EXOC3L4: variants seen among roughly 807,000 people sequenced by gnomAD.
EXOC3L4 encodes exocyst complex component 3 like 4.
Under a neutral mutation model 69.7 loss-of-function variants are expected in EXOC3L4, and 62 were observed. That is an observed-to-expected ratio of 0.89 (90% CI 0.72 to 1.10). The LOEUF (loss-of-function observed/expected upper bound fraction) is 1.10. EXOC3L4 is among the 50% of genes least tolerant of loss of function. The pLI is 0.00. For missense variants in EXOC3L4, 1,087 were observed against 1,034.8 expected (o/e 1.05, Z -0.69); for synonymous variants, 502 against 464.2 (o/e 1.08, Z -1.05).
intron 1 of EXOC3L4, among the ~76,000 whole-genome samples, chr14:103,099,266 A>G (rs1890041552): frequency 6.6e-6 from 1 of 152,148 alleles, no homozygotes; most frequent in Non-Finnish European, 1.5e-5. Flanking sequence ...CTCCCAACCT[A>G]AAGCCAGGAA....
intron 1 of EXOC3L4, among the ~76,000 whole-genome samples, chr14:103,096,786 C>T (rs1374779043): frequency 2.6e-5 from 4 of 152,290 alleles, no homozygotes; most frequent in South Asian, 2.1e-4. Context: ...GGTTGGCCAA[C>T]GACCGTCTAA....
At position 103,104,811 on chromosome 14, in the gene EXOC3L4, C is replaced by T. The variant is rs1187019136; in HGVS notation, c.1358C>T (p.Thr453Met). The stretch of plus-strand genomic sequence containing the variant: ...GAGGCCACCACCCTGCGAATCTGCA[C>T]GCGGGCGCTCGGCCTCTTCGTGCCC... Reference protein sequence around the residue: ...ELEATTLRICTRALGLFVPRF... With the variant: ...ELEATTLRICMRALGLFVPRF... Residue 453 changes from threonine (T) to methionine (M), a missense_variant, in exon 6 of 12, where the codon ACG (threonine) becomes ATG (methionine). Thr to Met is a moderately conservative substitution (Grantham distance 81). Transcript: ENST00000688303. The T allele has an allele frequency of 3.3e-6, 5 of 1,512,654 alleles. No individual in the cohort carries two copies. Among genetic ancestry groups the T allele is most frequent in the Admixed American group, 4.4e-5 (2 of 45,928 alleles). 93.7% of individuals were successfully genotyped at this position (1,512,654 alleles called of 1,614,324 possible). A position where few individuals can be genotyped will look rare whatever the true frequency, so the allele number is the denominator to read the frequency against.
At position 103,102,159 on chromosome 14, in the gene EXOC3L4, C is replaced by G. The variant is rs747686561; in HGVS notation, c.436C>G (p.Leu146Val). Residue 146 changes from leucine to valine, a missense_variant, in exon 3 of 12, where the codon CTG (leucine) becomes GTG (valine). Transcript: ENST00000688303. ...CGACCTCATTACTGAACGGCAACTG[C>G]TGGCGGCCTTCGAACAGCTTCTGCG... ...VADLITERQLLAAFEQLLRLE... is the reference protein window; with the variant it reads ...VADLITERQLVAAFEQLLRLE... 1 of 1,605,712 alleles carries G rather than the reference C, an allele frequency of 6.2e-7. No homozygotes were observed. The highest frequency in any genetic ancestry group is 1.7e-5 in the Admixed American group (1 of 59,376).
chr14:103,096,769 T>C (rs1389785783), intron 1 of EXOC3L4, among the ~76,000 whole-genome samples: 1 of 152,116 alleles, frequency 6.6e-6, no homozygotes. Flanking sequence ...CCAAGTGCTG[T>C]TGGGGAGGTT....
chr14:103,103,005 C>T (rs1283787450), intron 3 of EXOC3L4, among the ~76,000 whole-genome samples: 1 of 152,196 alleles, frequency 6.6e-6, no homozygotes, highest in East Asian at 1.9e-4. Flanking sequence ...AAAGTTTCCG[C>T]GGGGAGGTTC....
At chr14:103,107,882 T>C (rs1003760535) in intron 10 of EXOC3L4, 99 bp downstream of exon 10, 2 of 1,424,976 alleles carry the variant, frequency 1.4e-6, no homozygotes, top group Middle Eastern at 2.6e-4. Context: ...GCAGGAGTGG[T>C]TCTCCCCACT....
At position 103,102,376 on chromosome 14, in the gene EXOC3L4, T is replaced by C; in HGVS notation, c.653T>C (p.Val218Ala). The change falls in exon 3 of 12, where the codon GTG (valine) becomes GCG (alanine). Residue 218 changes from valine (V) to alanine (A), a missense_variant. Val to Ala is a moderately conservative substitution (Grantham distance 64). Transcript: ENST00000688303. The part of the protein sequence containing the change: ...AAALAELARV[V>A]SAEEEAHPSP... ...GCGCTGGCCGAGCTGGCCCGCGTGG[T>C]GAGCGCGGAGGAGGAAGCCCACCCT... The C allele has an allele frequency of 6.4e-7, 1 of 1,560,660 alleles. No individual in the cohort carries two copies. The highest frequency in any genetic ancestry group is 8.6e-7 in the Non-Finnish European group (1 of 1,160,326).
intron 1 of EXOC3L4, 79 bp from the exon 2 acceptor site, chr14:103,100,125 C>A: frequency 1.4e-6 from 2 of 1,408,516 alleles, no homozygotes; most frequent in Non-Finnish European, 1.9e-6. Flanking sequence ...CTTGACCAAG[C>A]CCCTGGGTGT....
chr14:103,104,545 G>A, intron 5 of EXOC3L4, 156 bp downstream of exon 5: 3 of 1,318,026 alleles, frequency 2.3e-6, no homozygotes, highest in South Asian at 1.7e-5. Flanking sequence ...GACCCCCGGC[G>A]CGCCGACGGG....
rs1442278393 is a variant in EXOC3L4, at chr14:103,110,056, G to A, written c.2002G>A (p.Ala668Thr). ...GCGGGACCACATACTGGCCATTCTG[G>A]CGCTGCGCCGACTGGGCCGCCAGCG... is the stretch of plus-strand genomic sequence containing the variant. ...IRRDHILAIL[A>T]LRRLGRQRNQ... The change falls in exon 12 of 12, where the codon GCG (alanine) becomes ACG (threonine). Residue 668 changes from alanine (A) to threonine (T), a missense_variant. Coordinates refer to ENST00000688303, the MANE Select transcript of EXOC3L4 (RefSeq NM_001077594.2). 1 of 1,600,688 alleles carries A rather than the reference G, an allele frequency of 6.2e-7. No individual in the cohort carries two copies. The highest frequency in any genetic ancestry group is 1.1e-5 in the South Asian group (1 of 89,164).
chr14:103,103,881 G>A, intron 3 of EXOC3L4, 60 bp from the exon 4 acceptor site: 1 of 1,195,628 alleles, frequency 8.4e-7, no homozygotes, highest in Non-Finnish European at 1.2e-6. Context: ...GGCCAGAAGA[G>A]GGGCAGCGGC....
intron 2 of EXOC3L4, among the ~76,000 whole-genome samples, chr14:103,101,007 ATTC>A (rs1341842763): frequency 6.7e-6 from 1 of 149,652 alleles, no homozygotes; most frequent in Non-Finnish European, 1.5e-5. Flanking sequence ...GGTTCAAGTG[ATTC>A]TTCTGCCTCA....
At chr14:103,099,075 G>A (rs971511266) in intron 1 of EXOC3L4, among the ~76,000 whole-genome samples, 5 of 152,198 alleles carry the variant, frequency 3.3e-5, no homozygotes, top group Non-Finnish European at 5.9e-5. Flanking sequence ...TTGGGTGGTG[G>A]GTCAGGCGGG....
At chr14:103,109,904 C>T (rs1890826172) in intron 11 of EXOC3L4, 127 bp from the exon 12 acceptor site, 1 of 1,052,648 alleles carries the variant, frequency 9.5e-7, no homozygotes, top group Non-Finnish European at 1.3e-6. Context: ...GTCAATCTGA[C>T]CTCCCTGACC....
At position 103,102,496 on chromosome 14, in the gene EXOC3L4, G is replaced by T; in HGVS notation, c.773G>T (p.Arg258Leu). The T allele has an allele frequency of 7.2e-7, 1 of 1,382,634 alleles. No individual in the cohort carries two copies. Among genetic ancestry groups the T allele is most frequent in the African/African-American group, 1.5e-5 (1 of 65,726 alleles). 85.6% of individuals were successfully genotyped at this position (1,382,634 alleles called of 1,614,324 possible). ...AVRRSAQERV[R>L]RPGAGWAFGE... ...CGGCGAAGCGCTCAGGAGCGCGTGCGGCGGCCGGGCGCGGGGTGGGCCTTC... is the reference window on the plus strand; with the variant it reads ...CGGCGAAGCGCTCAGGAGCGCGTGCTGCGGCCGGGCGCGGGGTGGGCCTTC... The change falls in exon 3 of 12, where the codon CGG becomes CTG. Residue 258 changes from arginine to leucine, a missense_variant. Physicochemically the swap from Arg to Leu is moderately radical, Grantham distance 102 (BLOSUM62 -2). Coordinates refer to ENST00000688303, the MANE Select transcript of EXOC3L4 (RefSeq NM_001077594.2).
At chr14:103,108,627 A>G (rs1890720848) in intron 11 of EXOC3L4, 110 bp downstream of exon 11, 1 of 1,450,220 alleles carries the variant, frequency 6.9e-7, no homozygotes, top group Admixed American at 2.1e-5. Flanking sequence ...CCTGAAGACC[A>G]GAGGCAGGAG....
chr14:103,107,093 A>C (rs1204521013), intron 8 of EXOC3L4, among the ~76,000 whole-genome samples, 194 bp downstream of exon 8: 1 of 152,032 alleles, frequency 6.6e-6, no homozygotes, highest in Non-Finnish European at 1.5e-5. Flanking sequence ...CTGCCTTCTC[A>C]CTTCAGTCTC....
At chr14:103,102,829 C>G in intron 3 of EXOC3L4, 57 bp downstream of exon 3, 1 of 1,311,700 alleles carries the variant, frequency 7.6e-7, no homozygotes, top group Non-Finnish European at 9.7e-7. Context: ...CTCCGCAGGC[C>G]TTGGGGAGCC....
chr14:103,109,849 G>A (rs1353746381), intron 11 of EXOC3L4, among the ~76,000 whole-genome samples, 182 bp from the exon 12 acceptor site: 5 of 149,766 alleles, frequency 3.3e-5, no homozygotes, highest in African/African-American at 4.9e-5. Flanking sequence ...TGTCCCCCAG[G>A]CCCACGCCCT....
Sources: allele counts gnomAD v4.1 joint callset (sites outside exome capture counted in the v4.1 genomes callset), GRCh38; gene constraint gnomAD v4.1.1; transcripts MANE v1.5; gene names NCBI Gene and HGNC (gene_info 2026-07-23, HGNC 2026-07-21).